ENPP3: variants seen among roughly 807,000 people sequenced by gnomAD.
ENPP3 encodes ectonucleotide pyrophosphatase/phosphodiesterase 3.
A neutral mutation model predicts 117.8 loss-of-function variants in ENPP3; 104 were observed. The ratio of observed to expected loss-of-function variants is 0.88; its 90% CI spans 0.75 to 1.04. ENPP3 has a LOEUF of 1.04. Among genes scored for constraint, ENPP3 ranks in the 50% least tolerant of loss-of-function variants. The pLI is 0.00. For missense variants in ENPP3, 1,026 were observed against 1,051.9 expected (o/e 0.98, Z 0.34); for synonymous variants, 380 against 349.9 (o/e 1.09, Z -0.96).
chr6:131,696,720 G>A (rs947679707), intron 15 of ENPP3, among the ~76,000 whole-genome samples: 1 of 151,582 alleles, frequency 6.6e-6, no homozygotes, highest in South Asian at 2.1e-4. Flanking sequence ...CTGCCAGGCC[G>A]CGTCCTTCAA....
chr6:131,717,363 T>G (rs1489440720), intron 15 of ENPP3, among the ~76,000 whole-genome samples: 11 of 110,478 alleles, frequency 1.0e-4, no homozygotes, highest in East Asian at 4.4e-4. Context: ...TGTGTGTGTG[T>G]GTGTGTGTGT....
At chr6:131,687,539 A>C (rs1779179785) in intron 14 of ENPP3, among the ~76,000 whole-genome samples, 1 of 152,218 alleles carries the variant, frequency 6.6e-6, no homozygotes, top group Non-Finnish European at 1.5e-5. Context: ...GCTTCTGTAT[A>C]GCCAAAGAAA....
At chr6:131,689,153 C>T (rs1426945378) in intron 14 of ENPP3, among the ~76,000 whole-genome samples, 1 of 152,154 alleles carries the variant, frequency 6.6e-6, no homozygotes, top group African/African-American at 2.4e-5. Flanking sequence ...GACATAGAAG[C>T]TGCAGCAAGT....
At chr6:131,709,774 T>C (rs769465824) in intron 15 of ENPP3, 2 of 1,613,908 alleles carry the variant, frequency 1.2e-6, no homozygotes, top group South Asian at 2.2e-5. Context: ...TCTAGAAAGC[T>C]TCTCTTCTTC....
At chr6:131,718,022 C>T (rs1361019847) in intron 15 of ENPP3, among the ~76,000 whole-genome samples, 1 of 152,162 alleles carries the variant, frequency 6.6e-6, no homozygotes, top group Non-Finnish European at 1.5e-5. Flanking sequence ...ACCATCCAGG[C>T]TTGTGTAAGT....
At chr6:131,716,343 TAGAAA>T (rs1449097545) in intron 15 of ENPP3, among the ~76,000 whole-genome samples, 1 of 152,118 alleles carries the variant, frequency 6.6e-6, no homozygotes, top group East Asian at 1.9e-4. Context: ...TGGAAATAAA[TAGAAA>T]AGAGAGTTTT....
chr6:131,666,475 AC>A (rs924632459), intron 6 of ENPP3, among the ~76,000 whole-genome samples: 1 of 151,456 alleles, frequency 6.6e-6, no homozygotes, highest in African/African-American at 2.4e-5. Context: ...TCTCCGGAAA[AC>A]CCCATCATGC....
At chr6:131,727,192 T>C (rs187315017) in intron 20 of ENPP3, among the ~76,000 whole-genome samples, 47 of 152,256 alleles carry the variant, frequency 3.1e-4, no homozygotes, top group African/African-American at 1.1e-3. Context: ...AGTTACTACA[T>C]GAACAAAGGA....
chr6:131,676,838 CAT>C (rs1420744778), intron 10 of ENPP3, 37 bp downstream of exon 10: 2 of 1,307,624 alleles, frequency 1.5e-6, no homozygotes, highest in Non-Finnish European at 2.2e-6. Flanking sequence ...GGCATAGTGG[CAT>C]ATATATGGGT....
At chr6:131,646,510 T>C (rs1778156173) in intron 2 of ENPP3, among the ~76,000 whole-genome samples, 1 of 152,146 alleles carries the variant, frequency 6.6e-6, no homozygotes, top group Non-Finnish European at 1.5e-5. Flanking sequence ...GTCTCTGTGA[T>C]GAAAGCCACT....
At chr6:131,653,373 C>T (rs1170144499) in intron 5 of ENPP3, among the ~76,000 whole-genome samples, 2 of 146,330 alleles carry the variant, frequency 1.4e-5, no homozygotes, top group Non-Finnish European at 3.0e-5. Flanking sequence ...CTCTCAAACT[C>T]TTGAGTTCAA....
rs370767690 is a variant in ENPP3 at position 131,715,998 on chromosome 6, T to A, written c.1413-2674T>A. On this transcript the variant is annotated intron_variant, in intron 15 of 24. Transcript: ENST00000357639. ...TTAAATGCTTGGCGATCTGCTTATG[T>A]GTAGAATGGAGATACCGCACAGGAA... 1.0e-4 allele frequency among the ~76,000 whole-genome samples: 15 copies of A among 150,468 alleles called. No individual in the cohort carries two copies. The South Asian group carries it at 2.5e-3, about 25-fold the overall frequency.
At chr6:131,689,419 A>G (rs1038203359) in intron 14 of ENPP3, among the ~76,000 whole-genome samples, 1 of 152,168 alleles carries the variant, frequency 6.6e-6, no homozygotes, top group Non-Finnish European at 1.5e-5. Context: ...ATTATGCTCA[A>G]TCTACTCTAC....
chr6:131,641,347 A>G, intron 1 of ENPP3, 108 bp from the exon 2 acceptor site: 1 of 621,518 alleles, frequency 1.6e-6, no homozygotes. Context: ...TATCTGGCAT[A>G]ACTAGTACGC....
chr6:131,671,162 T>G lies in ENPP3; in HGVS notation c.563-86T>G, dbSNP rs1778731854. On this transcript the variant is annotated intron_variant, in intron 6 of 24. Coordinates refer to ENST00000357639, the MANE Select transcript of ENPP3 (RefSeq NM_005021.5). ...CTTTTTAGTTTGTTTTTTATTTTTC[T>G]GAGAGACTTTCATGTTCAGATTTTT... The G allele has an allele frequency of 1.1e-5, 9 of 794,828 alleles. No homozygotes were observed. The Admixed American group carries it at 1.8e-4, about 16-fold the overall frequency. 49.2% of individuals were successfully genotyped at this position (794,828 alleles called of 1,614,324 possible).
intron 20 of ENPP3, 81 bp downstream of exon 20, chr6:131,726,281 G>A: frequency 7.5e-7 from 1 of 1,332,776 alleles, no homozygotes. Context: ...ATTTTGTTTT[G>A]CAGCAGAGAT....
chr6:131,746,296 G>A (rs1157279000), intron 24 of ENPP3, among the ~76,000 whole-genome samples: 1 of 152,016 alleles, frequency 6.6e-6, no homozygotes, highest in African/African-American at 2.4e-5. Flanking sequence ...CTAAGAACAA[G>A]TCACTTAACA....
intron 1 of ENPP3, among the ~76,000 whole-genome samples, chr6:131,641,234 T>C (rs1016462601): frequency 6.6e-6 from 1 of 152,142 alleles, no homozygotes; most frequent in Non-Finnish European, 1.5e-5. Context: ...CTGTAATAAA[T>C]GGTATCTTTA....
chr6:131,668,075 G>C (rs1778654920), intron 6 of ENPP3, among the ~76,000 whole-genome samples: 1 of 151,962 alleles, frequency 6.6e-6, no homozygotes. Flanking sequence ...TTCAGCCTGT[G>C]AATACTGGTA....
Sources: allele counts gnomAD v4.1 joint callset (sites outside exome capture counted in the v4.1 genomes callset), GRCh38; gene constraint gnomAD v4.1.1; transcripts MANE v1.5; gene names NCBI Gene and HGNC (gene_info 2026-07-23, HGNC 2026-07-21).